Variants in CHRNA9 observed in about 807,000 individuals in gnomAD.
The protein encoded by CHRNA9 is neuronal acetylcholine receptor subunit alpha-9.
Under a neutral mutation model 36.8 loss-of-function variants are expected in CHRNA9, and 24 were observed. The ratio of observed to expected loss-of-function variants is 0.65; its 90% CI spans 0.47 to 0.92. The LOEUF is 0.92. CHRNA9 is among the 40% of genes least tolerant of loss of function. The pLI, the probability that CHRNA9 is intolerant of heterozygous loss-of-function variation, is 0.00. For synonymous variants in CHRNA9, 231 were observed against 231.8 expected (o/e 1.00, Z 0.03); for missense variants, 610 against 601.2 (o/e 1.01, Z -0.15).
Position 40,349,366 on chromosome 4 carries a change from C to T in CHRNA9, c.850C>T (p.Leu284=), listed in dbSNP as rs772937544. The change falls in exon 4 of 5, where the codon CTA becomes TTA. Residue 284 remains leucine, a synonymous_variant. Transcript: ENST00000310169. ...TILLAMTVFQ[L]MVAEIMPASE... ...CCTGTTGGCCATGACTGTATTTCAG[C>T]TAATGGTGGCAGAAATCATGCCGGC... 3 of 1,614,062 alleles carry T rather than the reference C, an allele frequency of 1.9e-6. No individual in the cohort carries two copies. Among genetic ancestry groups the T allele is most frequent in the South Asian group, 2.2e-5 (2 of 91,084 alleles).
chr4:40,342,670 AG>A (rs1712530042), intron 3 of CHRNA9, among the ~76,000 whole-genome samples: 1 of 152,226 alleles, frequency 6.6e-6, no homozygotes, highest in East Asian at 1.9e-4. Flanking sequence ...GACATCAAAA[AG>A]CAGGAGTCAG....
At chr4:40,348,397 A>T (rs1712696414) in intron 3 of CHRNA9, among the ~76,000 whole-genome samples, 1 of 152,230 alleles carries the variant, frequency 6.6e-6, no homozygotes, top group African/African-American at 2.4e-5. Flanking sequence ...TGGGTGAACA[A>T]CTTTTTTTCT....
At chr4:40,345,385 C>T (rs577611051) in intron 3 of CHRNA9, among the ~76,000 whole-genome samples, 13 of 151,838 alleles carry the variant, frequency 8.6e-5, no homozygotes, top group Admixed American at 7.9e-4. Context: ...GGCATGGTCT[C>T]TACAAAAAAA....
chr4:40,341,721 T>G (rs4129630), intron 3 of CHRNA9, among the ~76,000 whole-genome samples: 21,426 of 152,140 alleles, frequency 0.14, 1,556 homozygotes, highest in African/African-American at 0.16. Flanking sequence ...TCTGAGCATT[T>G]ATTGTTTCTT....
At chr4:40,342,838 GAGA>G (rs200179799) in intron 3 of CHRNA9, among the ~76,000 whole-genome samples, 2,039 of 152,238 alleles carry the variant, frequency 0.013, 144 homozygotes, top group Admixed American at 0.12. Flanking sequence ...AGGGGCCAGA[GAGA>G]AGAAGAGGGA....
chr4:40,347,450 T>G (rs1027066026), intron 3 of CHRNA9, among the ~76,000 whole-genome samples: 2 of 152,226 alleles, frequency 1.3e-5, no homozygotes, highest in African/African-American at 4.8e-5. Context: ...CTATGGTGTA[T>G]CTAATATAAT....
In CHRNA9 at chr4:40,350,693, T is replaced by TACACACACACACACACACACAC. The variant is rs59972613; in HGVS notation, c.898+1292_898+1313dup. 5.6e-3 allele frequency among the ~76,000 whole-genome samples: 811 copies of TACACACACACACACACACACAC among 143,956 alleles called. 4 individuals are homozygous for TACACACACACACACACACACAC. The highest frequency in any genetic ancestry group is 8.9e-3 in the Non-Finnish European group (591 of 66,258). The allele number at this position is 143,956 out of a possible 152,430, so 94.4% of individuals were successfully genotyped here. On this transcript the variant is annotated intron_variant, in intron 4 of 4. Transcript: ENST00000310169. ...CCTTTTTATGTCTCTCTTTGCAAAATACACACACACACACACACACACACA... is the reference window on the plus strand; with the variant it reads ...CCTTTTTATGTCTCTCTTTGCAAAATACACACACACACACACACACACACACACACACACACACACACACACA...
chr4:40,335,424 C>A lies in CHRNA9; in HGVS notation c.-44C>A. 1.4e-6 allele frequency: 2 copies of A among 1,465,034 alleles called. No homozygotes were observed. The highest frequency in any genetic ancestry group is 1.9e-6 in the Non-Finnish European group (2 of 1,043,652). The allele number at this position is 1,465,034 out of a possible 1,614,324, so 90.8% of individuals were successfully genotyped here. On this transcript the variant is annotated 5_prime_UTR_variant, in exon 1 of 5. Transcript: ENST00000310169. ...GTATTCATAGGGGGAAGTGGAAGAC[C>A]ACGCTGCCTGACTGAGACTTTATTA...
At chr4:40,350,064 T>C (rs746542072) in intron 4 of CHRNA9, 2 of 152,270 alleles carry the variant, frequency 1.3e-5, no homozygotes, top group Non-Finnish European at 2.9e-5. Context: ...ACTACTGTTA[T>C]CATTTCACGT....
intron 3 of CHRNA9, among the ~76,000 whole-genome samples, chr4:40,342,029 A>C (rs1712513543): frequency 1.3e-5 from 2 of 152,188 alleles, no homozygotes; most frequent in South Asian, 4.1e-4. Flanking sequence ...GATTACAGGC[A>C]TGAGCCACCA....
chr4:40,335,561 T>G (rs769510850), intron 1 of CHRNA9, 30 bp downstream of exon 1: 15 of 1,545,708 alleles, frequency 9.7e-6, no homozygotes, highest in Non-Finnish European at 1.3e-5. Flanking sequence ...TAACCTATCT[T>G]GTCTCATCTG....
chr4:40,338,534 A>T (rs769651995), intron 3 of CHRNA9, among the ~76,000 whole-genome samples: 13 of 151,982 alleles, frequency 8.6e-5, no homozygotes, highest in Non-Finnish European at 1.8e-4. Context: ...TGTGGCTCAG[A>T]CCTATGTGAA....
At chr4:40,348,300 A>C (rs1712694686) in intron 3 of CHRNA9, among the ~76,000 whole-genome samples, 1 of 152,246 alleles carries the variant, frequency 6.6e-6, no homozygotes, top group South Asian at 2.1e-4. Context: ...AGAGAAAAAT[A>C]GAAATTCTGT....
intron 3 of CHRNA9, chr4:40,347,803 C>T (rs1483466989): frequency 6.6e-6 from 1 of 152,158 alleles, no homozygotes; most frequent in Non-Finnish European, 1.5e-5. Context: ...ATCCAGAATA[C>T]CACATTATAT....
intron 3 of CHRNA9, among the ~76,000 whole-genome samples, chr4:40,341,615 G>A (rs938338658): frequency 6.6e-6 from 1 of 152,182 alleles, no homozygotes; most frequent in Non-Finnish European, 1.5e-5. Context: ...AACGTCTAGA[G>A]GGTACTTAAA....
chr4:40,340,964 T>A (rs1577545300), intron 3 of CHRNA9, among the ~76,000 whole-genome samples: 2 of 73,370 alleles, frequency 2.7e-5, no homozygotes, highest in Non-Finnish European at 2.5e-5. Flanking sequence ...AAAGGGAAGA[T>A]AAGCTCTCCA....
chr4:40,354,524 C>G lies in CHRNA9; in HGVS notation c.*4C>G. ...GATCATAGCAAGAGCGGATTAGTCACAGATATTGGCTTTGCTATCTGGGTA... is the reference window on the plus strand; with the variant it reads ...GATCATAGCAAGAGCGGATTAGTCAGAGATATTGGCTTTGCTATCTGGGTA... On this transcript the variant is annotated 3_prime_UTR_variant, in exon 5 of 5. Coordinates refer to ENST00000310169, the MANE Select transcript of CHRNA9 (RefSeq NM_017581.4). 6.3e-7 allele frequency: 1 copy of G among 1,592,420 alleles called. No individual in the cohort carries two copies. Among genetic ancestry groups the G allele is most frequent in the South Asian group, 1.1e-5 (1 of 88,940 alleles).
At position 40,354,869 on chromosome 4, in the gene CHRNA9, C is replaced by T. The variant is rs1712914191; in HGVS notation, c.*349C>T. 5.3e-6 allele frequency: 1 copy of T among 187,778 alleles called. No individual in the cohort carries two copies. The highest frequency in any genetic ancestry group is 2.3e-5 in the African/African-American group (1 of 42,562). The allele number at this position is 187,778 out of a possible 1,614,324, so 11.6% of individuals were successfully genotyped here. ...TTAAAACAAAAAAGGCAAAACAAAA[C>T]AAACTCATTTTCCCCTTAGTTCCCA... On this transcript the variant is annotated 3_prime_UTR_variant, in exon 5 of 5. Coordinates refer to ENST00000310169, the MANE Select transcript of CHRNA9 (RefSeq NM_017581.4).
intron 3 of CHRNA9, among the ~76,000 whole-genome samples, chr4:40,343,455 AT>A (rs557107938): frequency 3.9e-5 from 6 of 152,214 alleles, no homozygotes; most frequent in African/African-American, 1.4e-4. Context: ...ATCTCATGAG[AT>A]TTATTCACTA....
Sources: allele counts gnomAD v4.1 joint callset (sites outside exome capture counted in the v4.1 genomes callset), GRCh38; gene constraint gnomAD v4.1.1; transcripts MANE v1.5; gene names NCBI Gene and HGNC (gene_info 2026-07-23, HGNC 2026-07-21).